The following LAMC1 variants were observed in gnomAD, a reference collection of about 807,000 sequenced individuals.
The protein encoded by LAMC1 is laminin subunit gamma-1.
A neutral mutation model predicts 173.6 loss-of-function variants in LAMC1; 38 were observed. The ratio of observed to expected loss-of-function variants is 0.22; its 90% CI spans 0.17 to 0.29. LAMC1 has a LOEUF of 0.29. LAMC1 is among the 10% of genes least tolerant of loss of function. The probability of loss-of-function intolerance (pLI) is 1.00; values close to 1 mark genes in which losing one functional copy is unlikely to be tolerated. For missense variants in LAMC1, 1,824 were observed against 2,051.8 expected, an observed-to-expected ratio of 0.89 and a Z score of 2.14; for synonymous variants, 746 against 749.1, an observed-to-expected ratio of 1.00 and a Z score of 0.07.
rs1186830852 is a variant in LAMC1, at chr1:183,136,376, C to A, written c.4115-10C>A. On this transcript the variant is annotated splice_polypyrimidine_tract_variant and intron_variant, in intron 24 of 27. Coordinates refer to ENST00000258341, the MANE Select transcript of LAMC1 (RefSeq NM_002293.4). ...AGTTTAGCTCAAATGTGTCCTTGAA[C>A]TTGTTTCAGATTTTGATAGGCGTGT... The A allele has an allele frequency of 6.2e-7, 1 of 1,613,382 alleles. No homozygotes were observed. The highest frequency in any genetic ancestry group is 1.1e-5 in the South Asian group (1 of 90,976).
At position 183,133,422 on chromosome 1, in the gene LAMC1, A is replaced by G; in HGVS notation, c.3721A>G (p.Asn1241Asp). ...GTGTCTTAGGTATGAACAAGCGAAG[A>G]ACATCTCACAGGATCTGGAAAAACA... ...ELNRKYEQAK[N>D]ISQDLEKQAA... Residue 1241 changes from asparagine to aspartate, a missense_variant, in exon 22 of 28, where the codon AAC becomes GAC. Physicochemically the swap from Asn to Asp is conservative, Grantham distance 23. Transcript: ENST00000258341. 1 of 1,613,860 alleles carries G rather than the reference A, an allele frequency of 6.2e-7. No homozygotes were observed. The highest frequency in any genetic ancestry group is 8.5e-7 in the Non-Finnish European group (1 of 1,179,788).
At chr1:183,029,450 C>G (rs760939070) in intron 1 of LAMC1, among the ~76,000 whole-genome samples, 1 of 152,210 alleles carries the variant, frequency 6.6e-6, no homozygotes, top group South Asian at 2.1e-4. Context: ...TCTGATCATA[C>G]AATTTTGCAG....
At chr1:183,085,919 T>C (rs1655415329) in intron 1 of LAMC1, among the ~76,000 whole-genome samples, 1 of 152,212 alleles carries the variant, frequency 6.6e-6, no homozygotes, top group South Asian at 2.1e-4. Context: ...TTCACACTAA[T>C]ATTGTTCTTT....
chr1:183,119,761 G>A (rs562067270), intron 11 of LAMC1, among the ~76,000 whole-genome samples: 34 of 152,144 alleles, frequency 2.2e-4, no homozygotes, highest in African/African-American at 7.7e-4. Flanking sequence ...ATAAATAAGA[G>A]CCAAGGGAGA....
chr1:183,064,002 A>G (rs1046750962), intron 1 of LAMC1, among the ~76,000 whole-genome samples: 2 of 152,206 alleles, frequency 1.3e-5, no homozygotes, highest in Non-Finnish European at 2.9e-5. Flanking sequence ...GGCTTTAAGT[A>G]TAAAAAAGAC....
At chr1:183,101,470 A>G (rs947824679) in intron 1 of LAMC1, among the ~76,000 whole-genome samples, 2 of 151,314 alleles carry the variant, frequency 1.3e-5, no homozygotes, top group African/African-American at 4.9e-5. Context: ...TCATGTTTGT[A>G]TAGTATCCTT....
chr1:183,138,535 T>G (rs758948141), intron 26 of LAMC1: 20 of 152,226 alleles, frequency 1.3e-4, no homozygotes, highest in Admixed American at 1.2e-3. Context: ...AGGCCGTCGT[T>G]CACTGCTGCC....
At chr1:183,079,231 G>GTTTTTTTTTTTTTTT (rs1262239438) in intron 1 of LAMC1, among the ~76,000 whole-genome samples, 1 of 95,620 alleles carries the variant, frequency 1.0e-5, no homozygotes, top group African/African-American at 4.0e-5. Flanking sequence ...TCTCTAATCT[G>GTTTTTTTTTTTTTTT]GTTTTTTTTT....
At chr1:183,126,477 C>G (rs1186162441) in intron 16 of LAMC1, among the ~76,000 whole-genome samples, 1 of 152,220 alleles carries the variant, frequency 6.6e-6, no homozygotes, top group Non-Finnish European at 1.5e-5. Context: ...TTTTCTTTTA[C>G]AACGTTTCTG....
chr1:183,068,586 G>C (rs753953894), intron 1 of LAMC1, among the ~76,000 whole-genome samples: 3 of 152,102 alleles, frequency 2.0e-5, no homozygotes, highest in Non-Finnish European at 4.4e-5. Flanking sequence ...GTCTCTAATT[G>C]CATATCCAGC....
chr1:183,118,273 C>A, intron 11 of LAMC1, 127 bp downstream of exon 11: 1 of 550,178 alleles, frequency 1.8e-6, no homozygotes, highest in Non-Finnish European at 3.2e-6. Context: ...TCACATTATA[C>A]ATGAATTATA....
intron 22 of LAMC1, among the ~76,000 whole-genome samples, chr1:183,134,225 T>C (rs1375592033): frequency 6.6e-6 from 1 of 152,252 alleles, no homozygotes; most frequent in African/African-American, 2.4e-5. Context: ...ACTTGATTTT[T>C]ACCATAAAGG....
At chr1:183,094,227 G>T (rs1391216419) in intron 1 of LAMC1, among the ~76,000 whole-genome samples, 2 of 151,936 alleles carry the variant, frequency 1.3e-5, no homozygotes, top group East Asian at 3.9e-4. Flanking sequence ...GCCATTCCTG[G>T]AATGCTCTTC....
At chr1:183,062,853 A>T (rs1381555278) in intron 1 of LAMC1, among the ~76,000 whole-genome samples, 2 of 151,990 alleles carry the variant, frequency 1.3e-5, no homozygotes, top group African/African-American at 4.8e-5. Context: ...ACTTGGGTGG[A>T]TGAGGCTCAA....
intron 1 of LAMC1, among the ~76,000 whole-genome samples, chr1:183,029,344 A>G (rs539997739): frequency 1.3e-5 from 2 of 152,328 alleles, no homozygotes; most frequent in African/African-American, 4.8e-5. Flanking sequence ...TTGTTGCCAC[A>G]GCCTCCAAAT....
At chr1:183,142,332 T>C (rs1657137223) in intron 27 of LAMC1, among the ~76,000 whole-genome samples, 2 of 152,204 alleles carry the variant, frequency 1.3e-5, no homozygotes, top group African/African-American at 4.8e-5. Flanking sequence ...CTCAGACCCA[T>C]CCCTGCTGGG....
intron 1 of LAMC1, among the ~76,000 whole-genome samples, chr1:183,064,851 G>T (rs1467536558): frequency 1.3e-5 from 2 of 152,092 alleles, no homozygotes; most frequent in African/African-American, 2.4e-5. Context: ...GGTCATATGT[G>T]GCTGGAGCCT....
At position 183,115,507 on chromosome 1, in the gene LAMC1, T is replaced by C. The variant is rs1414534615; in HGVS notation, c.1211-13T>C. 6.3e-7 allele frequency: 1 copy of C among 1,587,550 alleles called. No homozygotes were observed. The highest frequency in any genetic ancestry group is 8.6e-7 in the Non-Finnish European group (1 of 1,156,602). ...CCGAATTTTTGTTTGACAATAGGCA[T>C]TTTACATTTTAGGCTCTCTAAGCAC... is the stretch of plus-strand genomic sequence containing the variant. On this transcript the variant is annotated splice_polypyrimidine_tract_variant and intron_variant, in intron 5 of 27. Transcript: ENST00000258341.
chr1:183,071,461 C>T (rs183043642), intron 1 of LAMC1, among the ~76,000 whole-genome samples: 28 of 152,206 alleles, frequency 1.8e-4, no homozygotes, highest in African/African-American at 5.3e-4. Context: ...CTCTACATTC[C>T]GGCCTCATTA....
Sources: gnomAD v4.1 joint callset for allele counts (sites outside exome capture counted in the v4.1 genomes callset) on GRCh38, gnomAD v4.1.1 for gene constraint, MANE v1.5 for transcripts, NCBI Gene and HGNC (gene_info 2026-07-23, HGNC 2026-07-21) for gene names.